The following PLXNA4 variants were observed in gnomAD, a reference collection of about 807,000 sequenced individuals.
The protein encoded by PLXNA4 is plexin-A4.
Under a neutral mutation model 191.8 loss-of-function variants are expected in PLXNA4, and 44 were observed. That is an observed-to-expected ratio of 0.23 (90% CI 0.18 to 0.29). The LOEUF is 0.29. Ranked by LOEUF, PLXNA4 falls within the 10% of genes least tolerant of loss-of-function variation. The pLI is 1.00. For missense variants in PLXNA4, 1,800 were observed against 2,488.8 expected (o/e 0.72, Z 5.89); for synonymous variants, 1,082 against 1,009.5 (o/e 1.07, Z -1.36).
intron 10 of PLXNA4, among the ~76,000 whole-genome samples, chr7:132,207,566 C>T (rs1043856113): frequency 3.9e-5 from 6 of 152,234 alleles, no homozygotes; most frequent in Admixed American, 1.3e-4. Flanking sequence ...CTGGGGGCTG[C>T]AGCCATTGGC....
rs5887557 is a variant in PLXNA4 at position 132,238,814 on chromosome 7, A to AGG, written c.1604+2250_1604+2251dup. Among the ~76,000 whole-genome samples the AGG allele has an allele frequency of 3.1e-3, 461 of 146,444 alleles. 6 individuals carry two copies. The highest frequency in any genetic ancestry group is 0.011 in the African/African-American group (435 of 39,878). The stretch of plus-strand genomic sequence containing the variant: ...CACCAGGGATCAACAGAGTCACAAG[A>AGG]GGGGGGGGGGCACCCATGAGCTCAC... On this transcript the variant is annotated intron_variant, in intron 5 of 31. Transcript: ENST00000321063.
intron 3 of PLXNA4, among the ~76,000 whole-genome samples, chr7:132,414,377 G>A (rs938606028): frequency 6.6e-6 from 1 of 152,148 alleles, no homozygotes; most frequent in Non-Finnish European, 1.5e-5. Context: ...GCGATGGGGA[G>A]AATCCATCAT....
chr7:132,577,136 G>C (rs1585380905), upstream of PLXNA4: 2 of 146,468 alleles, frequency 1.4e-5, no homozygotes, highest in South Asian at 1.8e-4. Flanking sequence ...GGCGGCTGGC[G>C]CTGCGGCGGC....
intron 3 of PLXNA4, among the ~76,000 whole-genome samples, chr7:132,424,932 G>T (rs1264591756): frequency 6.6e-5 from 10 of 152,194 alleles, no homozygotes; most frequent in Admixed American, 6.5e-4. Flanking sequence ...TCCCAGGAAG[G>T]CCACCCCTCT....
At chr7:132,562,620 T>TCC (rs1801263765) in intron 1 of PLXNA4, among the ~76,000 whole-genome samples, 3 of 65,406 alleles carry the variant, frequency 4.6e-5, no homozygotes, top group Admixed American at 1.4e-4. Context: ...TCTCCTCCTC[T>TCC]TCCTCCTCCT....
At chr7:132,140,847 CG>C in intron 29 of PLXNA4, 36 bp from the exon 30 acceptor site, 1 of 1,610,622 alleles carries the variant, frequency 6.2e-7, no homozygotes, top group South Asian at 1.1e-5. Context: ...TCAGGAAAGA[CG>C]GGGCAGTGGG....
At chr7:132,218,059 G>A (rs913148644) in intron 9 of PLXNA4, among the ~76,000 whole-genome samples, 10 of 152,034 alleles carry the variant, frequency 6.6e-5, no homozygotes, top group Non-Finnish European at 1.0e-4. Context: ...GAGTCCAGTC[G>A]GTGGGTCAAT....
intron 1 of PLXNA4, among the ~76,000 whole-genome samples, chr7:132,553,517 C>A (rs1800657484): frequency 6.6e-6 from 1 of 152,080 alleles, no homozygotes; most frequent in Non-Finnish European, 1.5e-5. Context: ...GAAGCACAGG[C>A]ACCTAGAGAA....
At chr7:132,185,157 G>A in intron 16 of PLXNA4, 142 bp downstream of exon 16, 1 of 1,286,260 alleles carries the variant, frequency 7.8e-7, no homozygotes, top group Non-Finnish European at 1.0e-6. Context: ...AGGAAGGTCT[G>A]ATTTGGGGGT....
At chr7:132,627,872 T>C (rs1803412839) in intron 2 of PLXNA4, among the ~76,000 whole-genome samples, 1 of 152,256 alleles carries the variant, frequency 6.6e-6, no homozygotes, top group Non-Finnish European at 1.5e-5. Flanking sequence ...TAACCCAGTC[T>C]AAAGTATTTT....
chr7:132,284,312 A>G (rs2116417776), intron 4 of PLXNA4, among the ~76,000 whole-genome samples: 1 of 152,362 alleles, frequency 6.6e-6, no homozygotes, highest in South Asian at 2.1e-4. Context: ...GAAATACTGG[A>G]CTAACTAACT....
intron 1 of PLXNA4, among the ~76,000 whole-genome samples, chr7:132,569,451 T>C (rs1279938303): frequency 1.3e-5 from 2 of 152,238 alleles, no homozygotes; most frequent in Admixed American, 1.3e-4. Flanking sequence ...AGGCCCTCCA[T>C]AGTTTTGACA....
At position 132,205,973 on chromosome 7, in the gene PLXNA4, G is replaced by T. The variant is rs182910811; in HGVS notation, c.2299-2554C>A. ...CATGTGAGCATCTGTGTACTCAAAC[G>T]TGTTTATGTGCATGCTGACTTGAGG... On this transcript the variant is annotated intron_variant, in intron 10 of 31. Transcript: ENST00000321063. 4.8e-4 allele frequency among the ~76,000 whole-genome samples: 73 copies of T among 152,310 alleles called. No homozygotes were observed. In the Middle Eastern group the frequency reaches 0.01, roughly 21 times the overall value.
At chr7:132,414,965 C>T (rs140975394) in intron 3 of PLXNA4, among the ~76,000 whole-genome samples, 2 of 152,350 alleles carry the variant, frequency 1.3e-5, no homozygotes, top group African/African-American at 2.4e-5. Context: ...GAATCCACAA[C>T]CTCCTATCCT....
intron 4 of PLXNA4, among the ~76,000 whole-genome samples, chr7:132,284,224 CAA>C (rs1280069334): frequency 6.6e-6 from 1 of 152,132 alleles, no homozygotes. Flanking sequence ...CAGATTTGCT[CAA>C]ACATATTTGA....
intron 10 of PLXNA4, among the ~76,000 whole-genome samples, chr7:132,208,047 G>A (rs1282085853): frequency 6.6e-6 from 1 of 152,090 alleles, no homozygotes; most frequent in African/African-American, 2.4e-5. Context: ...GTCTATTCTT[G>A]TCTGATGGTA....
intron 3 of PLXNA4, among the ~76,000 whole-genome samples, chr7:132,419,425 C>T (rs1794774158): frequency 6.6e-6 from 1 of 152,176 alleles, no homozygotes. Flanking sequence ...TTCACCTAGA[C>T]AAGGAGCTTT....
chr7:132,239,359 C>T (rs1798805168), intron 5 of PLXNA4, among the ~76,000 whole-genome samples: 1 of 152,198 alleles, frequency 6.6e-6, no homozygotes, highest in African/African-American at 2.4e-5. Context: ...GCTCCGTGCT[C>T]TGTGGGGCTG....
chr7:132,413,668 C>T (rs887573400), intron 3 of PLXNA4, among the ~76,000 whole-genome samples: 9 of 152,124 alleles, frequency 5.9e-5, no homozygotes, highest in African/African-American at 1.7e-4. Flanking sequence ...TGTGTGTGGC[C>T]CAGGCAAAAT....
Sources: gnomAD v4.1 joint callset for allele counts (sites outside exome capture counted in the v4.1 genomes callset) on GRCh38, gnomAD v4.1.1 for gene constraint, MANE v1.5 for transcripts, NCBI Gene and HGNC (gene_info 2026-07-23, HGNC 2026-07-21) for gene names.